The following FAT3 variants were observed in gnomAD, a reference collection of about 807,000 sequenced individuals.
FAT3 encodes the protein FAT atypical cadherin 3, also known as protocadherin Fat 3.
In FAT3, 95 loss-of-function variants were observed where a neutral mutation model predicts 310.2. The ratio of observed to expected loss-of-function variants is 0.31; its 90% CI spans 0.26 to 0.36. The LOEUF (loss-of-function observed/expected upper bound fraction) is 0.36. FAT3 is among the 10% of genes least tolerant of loss of function. The probability of loss-of-function intolerance (pLI) is 1.00; values close to 1 mark genes in which losing one functional copy is unlikely to be tolerated. For synonymous variants in FAT3, 2,314 were observed against 2,192.9 expected (o/e 1.06, Z -1.54); for missense variants, 5,408 against 5,715.6 (o/e 0.95, Z 1.74).
Position 92,844,310 on chromosome 11 carries a change from C to G in FAT3, c.10943C>G (p.Thr3648Ser). 6.2e-7 allele frequency: 1 copy of G among 1,613,990 alleles called. No homozygotes were observed. Among genetic ancestry groups the G allele is most frequent in the Non-Finnish European group, 8.5e-7 (1 of 1,179,906 alleles). The change falls in exon 19 of 28, where the codon ACT becomes AGT. Residue 3648 changes from threonine (T) to serine (S), a missense_variant. By Grantham distance (58) the Thr-to-Ser change is moderately conservative (BLOSUM62 1). Coordinates refer to ENST00000525166, the MANE Select transcript of FAT3 (RefSeq NM_001367949.2). ...TTGGTGCATGAGATGCTGCAGAACA[C>G]TGTCACCATCCGCTTTGAAAATGTG... ...EQLVHEMLQN[T>S]VTIRFENVSP...
rs2136443152 is a variant in FAT3, at chr11:92,890,568, C to T, written c.13225C>T (p.Gln4409Ter). ...AGAGGAAGTGCCCAACTATGAGAAC[C>T]AGGATGGAGGGTCTGCACACCAGGG... The part of the protein sequence containing the change: ...DIEEVPNYEN[Q>*]DGGSAHQGST... The change falls in exon 28 of 28, where the codon CAG becomes TAG. Residue 4409 changes from glutamine (Q) to a stop codon, truncating the protein, a stop_gained. Coordinates refer to ENST00000525166, the MANE Select transcript of FAT3 (RefSeq NM_001367949.2). LOFTEE classifies it high-confidence loss of function. 1 of 1,613,200 alleles carries T rather than the reference C, an allele frequency of 6.2e-7. No individual in the cohort carries two copies. Among genetic ancestry groups the T allele is most frequent in the Non-Finnish European group, 8.5e-7 (1 of 1,179,698 alleles).
chr11:92,859,189 G>A lies in FAT3; in HGVS notation c.11525G>A (p.Gly3842Glu), dbSNP rs746711467. The change falls in exon 21 of 28, where the codon GGA becomes GAA. Residue 3842 changes from glycine to glutamate, a missense_variant. Physicochemically the swap from Gly to Glu is moderately conservative, Grantham distance 98. Coordinates refer to ENST00000525166, the MANE Select transcript of FAT3 (RefSeq NM_001367949.2). ...GGGCACACTTCTCTCAGCTTTGCTG[G>A]AAACAGTTACATCAAATATCGGCTT... ...CSGHTSLSFA[G>E]NSYIKYRLSE... The A allele has an allele frequency of 6.2e-7, 1 of 1,613,652 alleles. No homozygotes were observed.
At chr11:92,462,628 T>C (rs1951664429) in intron 2 of FAT3, among the ~76,000 whole-genome samples, 1 of 152,118 alleles carries the variant, frequency 6.6e-6, no homozygotes, top group African/African-American at 2.4e-5. Context: ...CTCCTTTGTT[T>C]CTTATTATCT....
intron 19 of FAT3, among the ~76,000 whole-genome samples, chr11:92,854,927 G>C (rs187440086): frequency 1.3e-5 from 2 of 152,308 alleles, no homozygotes; most frequent in East Asian, 1.9e-4. Flanking sequence ...CCACAGAATA[G>C]AAAGTAACAG....
chr11:92,235,572 CTATT>C (rs5793587), intron 1 of FAT3, among the ~76,000 whole-genome samples: 30,105 of 152,012 alleles, frequency 0.2, 3,130 homozygotes, highest in East Asian at 0.38. Context: ...TTGAATGACT[CTATT>C]TGTTTATGTT....
chr11:92,837,319 C>G (rs1164843799), intron 16 of FAT3, among the ~76,000 whole-genome samples: 2 of 152,046 alleles, frequency 1.3e-5, no homozygotes, highest in African/African-American at 4.8e-5. Flanking sequence ...GAGCAAAGGC[C>G]CAGAGCCTGG....
At chr11:92,731,442 A>G (rs1945174495) in intron 4 of FAT3, among the ~76,000 whole-genome samples, 1 of 152,110 alleles carries the variant, frequency 6.6e-6, no homozygotes, top group Non-Finnish European at 1.5e-5. Context: ...ATGGACCTAG[A>G]TCAACACCAC....
chr11:92,725,583 G>T (rs1217386860), intron 4 of FAT3, among the ~76,000 whole-genome samples: 2 of 149,308 alleles, frequency 1.3e-5, no homozygotes, highest in Admixed American at 6.7e-5. Context: ...TACTTAGGAA[G>T]TTTTTTTTTT....
At chr11:92,621,312 T>C (rs887342961) in intron 3 of FAT3, among the ~76,000 whole-genome samples, 3 of 152,204 alleles carry the variant, frequency 2.0e-5, no homozygotes, top group Non-Finnish European at 4.4e-5. Context: ...GAATTATTTA[T>C]ATTATGCAGA....
intron 1 of FAT3, among the ~76,000 whole-genome samples, chr11:92,240,196 A>ACATTTTTTTT (rs1565173214): frequency 6.6e-6 from 1 of 152,034 alleles, no homozygotes; most frequent in Non-Finnish European, 1.5e-5. Flanking sequence ...TTTTAGTTTT[A>ACATTTTTTTT]CATTTTTTTC....
intron 3 of FAT3, among the ~76,000 whole-genome samples, chr11:92,551,790 C>A (rs569188548): frequency 7.2e-5 from 11 of 152,024 alleles, no homozygotes; most frequent in Admixed American, 6.6e-4. Flanking sequence ...TTTCAACTTT[C>A]GGGTTTCTTT....
chr11:92,268,319 A>T (rs1348069208), intron 1 of FAT3, among the ~76,000 whole-genome samples: 2 of 152,048 alleles, frequency 1.3e-5, no homozygotes, highest in African/African-American at 4.8e-5. Flanking sequence ...CCACTACCCC[A>T]CATTAAAGCC....
chr11:92,528,480 G>T (rs536930634), intron 3 of FAT3, among the ~76,000 whole-genome samples: 1 of 152,140 alleles, frequency 6.6e-6, no homozygotes, highest in Admixed American at 6.5e-5. Flanking sequence ...TCCGCCTCCC[G>T]AGTTCACGCC....
rs780398410 is a variant in FAT3, at chr11:92,798,430, A to G, written c.5417A>G (p.Asn1806Ser). The change falls in exon 10 of 28, where the codon AAC becomes AGC. Residue 1806 changes from asparagine to serine, a missense_variant. By Grantham distance (46) the Asn-to-Ser change is conservative. This residue lies in a region of FAT3 where 4,588 missense variants were observed against 4,809.8 expected (regional missense o/e 0.95). Transcript: ENST00000525166. ...LVIRATDADS[N>S]RNALLVYQIV... ...ATTCGAGCCACAGATGCTGACAGCA[A>G]CCGGAATGCTCTGCTTGTGTATCAG... The G allele has an allele frequency of 3.6e-5, 58 of 1,613,284 alleles. No individual in the cohort carries two copies. The highest frequency in any genetic ancestry group is 4.8e-5 in the Non-Finnish European group (57 of 1,179,806).
chr11:92,618,895 A>G (rs554875324), intron 3 of FAT3, among the ~76,000 whole-genome samples: 4 of 152,282 alleles, frequency 2.6e-5, no homozygotes, highest in African/African-American at 9.6e-5. Context: ...CAAAGCAGCA[A>G]GAGCATACAC....
At chr11:92,441,587 A>G (rs1386980317) in intron 2 of FAT3, among the ~76,000 whole-genome samples, 2 of 152,112 alleles carry the variant, frequency 1.3e-5, no homozygotes, top group East Asian at 3.8e-4. Context: ...GATTCATTTC[A>G]TTGCTCTCTA....
intron 2 of FAT3, among the ~76,000 whole-genome samples, chr11:92,496,705 G>A (rs749507227): frequency 1.3e-5 from 2 of 151,948 alleles, no homozygotes; most frequent in Admixed American, 6.6e-5. Flanking sequence ...ATTCCTTGTT[G>A]GGTTGAAGGA....
chr11:92,547,952 G>T (rs1293442116), intron 3 of FAT3, among the ~76,000 whole-genome samples: 2 of 152,148 alleles, frequency 1.3e-5, no homozygotes, highest in African/African-American at 4.8e-5. Flanking sequence ...CTGGCCCTGT[G>T]TGGAGAGGCA....
intron 2 of FAT3, among the ~76,000 whole-genome samples, chr11:92,490,821 C>T (rs2135235344): frequency 6.6e-6 from 1 of 152,224 alleles, no homozygotes; most frequent in African/African-American, 2.4e-5. Flanking sequence ...AAAGGGGCTG[C>T]TGATCTTGCT....
Sources: allele counts gnomAD v4.1 joint callset (sites outside exome capture counted in the v4.1 genomes callset), GRCh38; gene constraint gnomAD v4.1.1; regional missense constraint gnomAD v4.1.1; transcripts MANE v1.5; gene names NCBI Gene and HGNC (gene_info 2026-07-23, HGNC 2026-07-21).